TMEM154: variants seen among roughly 807,000 people sequenced by gnomAD.
TMEM154 encodes transmembrane protein 154.
In TMEM154, 27 loss-of-function variants were observed where a neutral mutation model predicts 24.5. The observed-to-expected ratio is 1.10, with a 90% confidence interval of 0.81 to 1.52. TMEM154 has a LOEUF of 1.52. TMEM154 is among the 40% of genes most tolerant of loss of function. The probability of loss-of-function intolerance (pLI) is 0.00; values close to 1 mark genes in which losing one functional copy is unlikely to be tolerated. For missense variants in TMEM154, 228 were observed against 213.4 expected, an observed-to-expected ratio of 1.07 and a Z score of -0.43; for synonymous variants, 67 against 76.8, an observed-to-expected ratio of 0.87 and a Z score of 0.67.
chr4:152,642,055 TG>T (rs1228115598), intron 5 of TMEM154, among the ~76,000 whole-genome samples: 1 of 151,808 alleles, frequency 6.6e-6, no homozygotes, highest in Non-Finnish European at 1.5e-5. Context: ...CCCTAGTAGC[TG>T]GGAGTACAGA....
intron 6 of TMEM154, among the ~76,000 whole-genome samples, chr4:152,634,622 A>G (rs6847616): frequency 0.79 from 119,883 of 152,154 alleles, 48,053 homozygotes; most frequent in South Asian, 0.94. Context: ...TGTGGTTTTT[A>G]AAAGTAAGTA....
chr4:152,633,010 AC>A (rs1291117683), intron 6 of TMEM154, among the ~76,000 whole-genome samples: 1 of 152,250 alleles, frequency 6.6e-6, no homozygotes, highest in Non-Finnish European at 1.5e-5. Flanking sequence ...TGCAGGTTTT[AC>A]ATAAGTAGCC....
intron 1 of TMEM154, among the ~76,000 whole-genome samples, chr4:152,658,743 T>C (rs6820190): frequency 0.027 from 4,023 of 151,166 alleles, 173 homozygotes; most frequent in African/African-American, 0.093. Context: ...AACCCAGGAG[T>C]TGGAGGTTGC....
At chr4:152,646,670 TC>T (rs1728245024) in intron 3 of TMEM154, 1 of 382,116 alleles carries the variant, frequency 2.6e-6, no homozygotes, top group Non-Finnish European at 4.7e-6. Context: ...CACTTTGTCC[TC>T]CTCCTTCAGT....
At chr4:152,651,291 T>A (rs1728377846) in intron 3 of TMEM154, among the ~76,000 whole-genome samples, 1 of 152,080 alleles carries the variant, frequency 6.6e-6, no homozygotes, top group East Asian at 1.9e-4. Flanking sequence ...GTGCTGAGAT[T>A]ACAGGCGTGA....
At chr4:152,643,607 C>G (rs1054352360) in intron 4 of TMEM154, among the ~76,000 whole-genome samples, 1 of 152,232 alleles carries the variant, frequency 6.6e-6, no homozygotes, top group African/African-American at 2.4e-5. Flanking sequence ...CAACAGGCTA[C>G]AGTTATCACC....
chr4:152,650,607 G>T (rs1267469644), intron 3 of TMEM154, among the ~76,000 whole-genome samples: 3 of 152,092 alleles, frequency 2.0e-5, no homozygotes, highest in African/African-American at 7.2e-5. Flanking sequence ...TTGATATTTT[G>T]ATCTCCTCCT....
chr4:152,640,803 G>C lies in TMEM154; in HGVS notation c.536+125C>G, dbSNP rs67746656. ...CTTCTCCACACTATGCACATATCCA[G>C]CCGCGTAAATGATCTCATACGAATT... On this transcript the variant is annotated intron_variant, in intron 6 of 6. Transcript: ENST00000304385. 116,380 of 775,290 alleles carry C rather than the reference G, an allele frequency of 0.15. 10,492 individuals carry two copies. Among genetic ancestry groups the C allele is most frequent in the African/African-American group, 0.34 (18,927 of 56,198 alleles). 48.0% of individuals were successfully genotyped at this position (775,290 alleles called of 1,614,324 possible).
intron 3 of TMEM154, among the ~76,000 whole-genome samples, chr4:152,647,640 T>C (rs1728283600): frequency 6.6e-6 from 1 of 152,224 alleles, no homozygotes. Flanking sequence ...TAGATGTTCT[T>C]TAATAAACAT....
intron 1 of TMEM154, among the ~76,000 whole-genome samples, chr4:152,675,418 G>A (rs1728933308): frequency 1.3e-5 from 2 of 152,014 alleles, no homozygotes; most frequent in South Asian, 2.1e-4. Context: ...TCCTGCGGTC[G>A]CGAGTTTGAG....
intron 1 of TMEM154, among the ~76,000 whole-genome samples, chr4:152,655,869 T>C (rs1229209455): frequency 6.6e-6 from 1 of 152,092 alleles, no homozygotes; most frequent in African/African-American, 2.4e-5. Context: ...GCCTGGGGAT[T>C]GCTTCACCCC....
At chr4:152,630,515 T>G (rs1359476667) in intron 6 of TMEM154, among the ~76,000 whole-genome samples, 1 of 151,948 alleles carries the variant, frequency 6.6e-6, no homozygotes, top group African/African-American at 2.4e-5. Flanking sequence ...GATCCAGGAG[T>G]CTATCTCTAC....
At chr4:152,656,216 C>T (rs1728488853) in intron 1 of TMEM154, among the ~76,000 whole-genome samples, 1 of 152,180 alleles carries the variant, frequency 6.6e-6, no homozygotes. Context: ...TGCCAACACC[C>T]ACGTCAATCT....
At chr4:152,637,274 G>A (rs921711752) in intron 6 of TMEM154, among the ~76,000 whole-genome samples, 1 of 152,126 alleles carries the variant, frequency 6.6e-6, no homozygotes, top group African/African-American at 2.4e-5. Flanking sequence ...TGCCGGGTGC[G>A]GTGTCTCACG....
rs1428867805 is a variant in TMEM154 at position 152,621,175 on chromosome 4, C to T, written c.*7371G>A. The T allele has an allele frequency of 6.6e-6, 1 of 152,240 alleles. No homozygotes were observed. The highest frequency in any genetic ancestry group is 1.5e-5 in the Non-Finnish European group (1 of 68,054). 9.4% of individuals were successfully genotyped at this position (152,240 alleles called of 1,614,324 possible). On this transcript the variant is annotated 3_prime_UTR_variant, in exon 7 of 7. Transcript: ENST00000304385. ...TGGCAGGAAAGCTATTTAAAAGTGG[C>T]TGACCTACTTGGGAGGCTCACCCTT... is the stretch of plus-strand genomic sequence containing the variant.
At chr4:152,679,250 C>CAAA (rs143908710) in intron 1 of TMEM154, among the ~76,000 whole-genome samples, 1 of 147,488 alleles carries the variant, frequency 6.8e-6, no homozygotes, top group African/African-American at 2.5e-5. Context: ...ACAATCAATG[C>CAAA]AAAAAAAAAA....
intron 3 of TMEM154, among the ~76,000 whole-genome samples, chr4:152,649,132 G>A (rs939228433): frequency 6.6e-6 from 1 of 152,250 alleles, no homozygotes; most frequent in South Asian, 2.1e-4. Flanking sequence ...ACAGTGAGGT[G>A]GGCATGTGGG....
intron 4 of TMEM154, among the ~76,000 whole-genome samples, chr4:152,644,092 C>T (rs756093929): frequency 4.6e-5 from 7 of 152,160 alleles, no homozygotes; most frequent in Non-Finnish European, 7.3e-5. Flanking sequence ...GTAAATGAAC[C>T]AATGTCCTTG....
At chr4:152,675,156 C>CAAAAAAAAA (rs368552348) in intron 1 of TMEM154, among the ~76,000 whole-genome samples, 3 of 83,154 alleles carry the variant, frequency 3.6e-5, no homozygotes, top group Admixed American at 3.3e-4. Context: ...GGCTCCATCT[C>CAAAAAAAAA]AAAAAAAAAA....
Sources: allele counts gnomAD v4.1 joint callset (sites outside exome capture counted in the v4.1 genomes callset), GRCh38; gene constraint gnomAD v4.1.1; transcripts MANE v1.5; gene names NCBI Gene and HGNC (gene_info 2026-07-23, HGNC 2026-07-21).